Variants in USP40 observed in about 807,000 individuals in gnomAD.
USP40 encodes ubiquitin specific peptidase 40, also known as ubiquitin carboxyl-terminal hydrolase 40.
A neutral mutation model predicts 166.2 loss-of-function variants in USP40; 143 were observed. The ratio of observed to expected loss-of-function variants is 0.86; its 90% confidence interval spans 0.75 to 0.99. The LOEUF (loss-of-function observed/expected upper bound fraction) is 0.99, where lower values mean the gene tolerates loss of function less well. USP40 is among the 50% of genes least tolerant of loss of function. USP40 has a pLI of 0.00. For missense variants in USP40, 1,444 were observed against 1,479.7 expected, an observed-to-expected ratio of 0.98 and a Z score of 0.40; for synonymous variants, 498 against 524.0, an observed-to-expected ratio of 0.95 and a Z score of 0.68.
At chr2:233,558,895 T>C (rs1383193359) in intron 4 of USP40, among the ~76,000 whole-genome samples, 1 of 152,208 alleles carries the variant, frequency 6.6e-6, no homozygotes, top group Non-Finnish European at 1.5e-5. Flanking sequence ...CCATTTTGCT[T>C]GAAAGTCCAT....
Position 233,534,472 on chromosome 2 carries a change from G to T in USP40, c.1171-693C>A, listed in dbSNP as rs993903849. On this transcript the variant is annotated intron_variant, in intron 10 of 31. Transcript: ENST00000678225. ...CTCTCAGCCTAATTTACTTTATATA[G>T]AAAATTACTTGGGAGTTAAATTTGA... Among the ~76,000 whole-genome samples the T allele has an allele frequency of 4.6e-5, 7 of 152,134 alleles. 1 individual carries two copies. The highest frequency in any genetic ancestry group is 3.9e-4 in the Admixed American group (6 of 15,276).
In USP40 at chr2:233,488,295, T is replaced by A; in HGVS notation, c.3141A>T (p.Lys1047Asn). Residue 1047 changes from lysine to asparagine, a missense_variant, in exon 28 of 32, where the codon AAA (lysine) becomes AAT (asparagine). Transcript: ENST00000678225. ...RTDRQPLREYKLGRRIEICLE... is the reference protein window; with the variant it reads ...RTDRQPLREYNLGRRIEICLE... ...AGCAGATCTCAATTCTCCGTCCTAG[T>A]TTATATTCCCTGATAATAAGTGAAA... 1 of 1,598,922 alleles carries A rather than the reference T, an allele frequency of 6.3e-7. No homozygotes were observed. The highest frequency in any genetic ancestry group is 8.5e-7 in the Non-Finnish European group (1 of 1,171,808).
intron 3 of USP40, among the ~76,000 whole-genome samples, 191 bp from the exon 4 acceptor site, chr2:233,560,115 AAT>A (rs1360015710): frequency 6.6e-6 from 1 of 152,256 alleles, no homozygotes; most frequent in Non-Finnish European, 1.5e-5. Context: ...TCTAAAAAAT[AAT>A]AGTTATTTGG....
chr2:233,529,684 AAGTT>A (rs1180948898), intron 11 of USP40, among the ~76,000 whole-genome samples, 172 bp from the exon 12 acceptor site: 1 of 152,214 alleles, frequency 6.6e-6, no homozygotes, highest in African/African-American at 2.4e-5. Context: ...AAAAATGAAA[AAGTT>A]AGAACAAATG....
At chr2:233,557,045 T>C in intron 4 of USP40, 26 bp from the exon 5 acceptor site, 1 of 1,583,558 alleles carries the variant, frequency 6.3e-7, no homozygotes, top group Non-Finnish European at 8.6e-7. Context: ...CTTTTAGATG[T>C]AATTCCGGGC....
In USP40 at chr2:233,507,006, G is replaced by A. The variant is rs1437867999; in HGVS notation, c.2613+3043C>T. Among the ~76,000 whole-genome samples the A allele has an allele frequency of 3.9e-4, 60 of 151,912 alleles. 3 individuals carry two copies. The highest frequency in any genetic ancestry group is 3.9e-3 in the Admixed American group (60 of 15,238). ...AAAAAAGTACCTGATATAAAAATTG[G>A]CAAAAGACTTTAGTAAACATTTCTC... is the stretch of plus-strand genomic sequence containing the variant. On this transcript the variant is annotated intron_variant, in intron 21 of 31. Coordinates refer to ENST00000678225, the MANE Select transcript of USP40 (RefSeq NM_001365479.2).
intron 21 of USP40, among the ~76,000 whole-genome samples, chr2:233,507,118 T>C (rs1284219172): frequency 1.3e-5 from 2 of 151,890 alleles, no homozygotes; most frequent in African/African-American, 4.8e-5. Context: ...AAAACCACAA[T>C]GAAGTACCAT....
chr2:233,529,814 C>CTTTTTTTTTT (rs369071345), intron 11 of USP40, among the ~76,000 whole-genome samples: 2 of 133,950 alleles, frequency 1.5e-5, no homozygotes, highest in Admixed American at 8.0e-5. Flanking sequence ...TTTTCTTTTT[C>CTTTTTTTTTT]TTTTTTTTTT....
At position 233,525,480 on chromosome 2, in the gene USP40, C is replaced by T. The variant is rs1276561053; in HGVS notation, c.1808G>A (p.Gly603Asp). The change falls in exon 14 of 32, where the codon GGC becomes GAC. Residue 603 changes from glycine (G) to aspartate (D), a missense_variant and splice_region_variant. Physicochemically the swap from Gly to Asp is moderately conservative, Grantham distance 94. Transcript: ENST00000678225. ...CTATGTTTTCATATTTATCTTACCG[C>T]CAAGTGACTGGTAAATGTGAAGTCC... ...PAGLHIYQSLGGDELTLCETE... is the reference protein window; with the variant it reads ...PAGLHIYQSLDGDELTLCETE... 1 of 1,611,556 alleles carries T rather than the reference C, an allele frequency of 6.2e-7. No individual in the cohort carries two copies. The highest frequency in any genetic ancestry group is 8.5e-7 in the Non-Finnish European group (1 of 1,178,426).
Position 233,523,259 on chromosome 2 carries a change from G to A in USP40, c.2112C>T (p.Ile704=). 6.2e-7 allele frequency: 1 copy of A among 1,613,960 alleles called. No individual in the cohort carries two copies. Among genetic ancestry groups the A allele is most frequent in the South Asian group, 1.1e-5 (1 of 91,084 alleles). The part of the protein sequence containing the change: ...GCPGGEGWTA[I]PKEDMRKTFR... ...ACGTCTTCCTCATGTCTTCCTTGGGGATGGCCGTCCAACCCTCCCCACCTG... is the reference window on the plus strand; with the variant it reads ...ACGTCTTCCTCATGTCTTCCTTGGGAATGGCCGTCCAACCCTCCCCACCTG... The change falls in exon 16 of 32, where the codon ATC becomes ATT. Residue 704 remains isoleucine (I), a synonymous_variant. Coordinates refer to ENST00000678225, the MANE Select transcript of USP40 (RefSeq NM_001365479.2).
intron 13 of USP40, 40 bp downstream of exon 13, chr2:233,527,367 T>G (rs1267163354): frequency 6.3e-7 from 1 of 1,594,242 alleles, no homozygotes; most frequent in Non-Finnish European, 8.6e-7. Context: ...CTGGAGATGG[T>G]GCTCGATGTC....
rs1352536348 is a variant in USP40 at position 233,523,196 on chromosome 2, T to G, written c.2175A>C (p.Leu725Phe). Reference protein sequence around the residue: ...EQGLRNGSSILIQDSHDDNSL... With the variant: ...EQGLRNGSSIFIQDSHDDNSL... ...TGTTATCATCATGAGAATCCTGAAT[T>G]AAAATTGAGCTTCCATTTCTGAGCC... The change falls in exon 16 of 32, where the codon TTA becomes TTC. Residue 725 changes from leucine (L) to phenylalanine (F), a missense_variant. Coordinates refer to ENST00000678225, the MANE Select transcript of USP40 (RefSeq NM_001365479.2). 2 of 1,611,900 alleles carry G rather than the reference T, an allele frequency of 1.2e-6. No homozygotes were observed. Among genetic ancestry groups the G allele is most frequent in the Non-Finnish European group, 1.7e-6 (2 of 1,178,372 alleles).
At chr2:233,515,469 G>C (rs1419059119) in intron 18 of USP40, among the ~76,000 whole-genome samples, 3 of 152,084 alleles carry the variant, frequency 2.0e-5, no homozygotes, top group Non-Finnish European at 1.5e-5. Context: ...TAATGATTCT[G>C]AGCATTTTTT....
Position 233,511,747 on chromosome 2 carries a change from A to G in USP40, c.2488T>C (p.Leu830=), listed in dbSNP as rs1462139489. The G allele has an allele frequency of 3.7e-6, 6 of 1,612,532 alleles. No individual in the cohort carries two copies. Among genetic ancestry groups the G allele is most frequent in the Non-Finnish European group, 5.1e-6 (6 of 1,179,386 alleles). ...GGTGCTTTTCCAAGACACAGTCCCA[A>G]TGAACTTCCCATCTTCAATTCTGCT... is the stretch of plus-strand genomic sequence containing the variant. ...KEAELKMGSS[L]GLCLGKAPSS... The change falls in exon 20 of 32, where the codon TTG becomes CTG. Residue 830 remains leucine, a synonymous_variant. Coordinates refer to ENST00000678225, the MANE Select transcript of USP40 (RefSeq NM_001365479.2).
At chr2:233,553,219 A>G (rs192434170) in intron 6 of USP40, among the ~76,000 whole-genome samples, 1 of 152,348 alleles carries the variant, frequency 6.6e-6, no homozygotes, top group East Asian at 1.9e-4. Flanking sequence ...ATTAACTAGC[A>G]TTGGTAATGC....
chr2:233,523,304 G>A lies in USP40; in HGVS notation c.2067C>T (p.Phe689=), dbSNP rs777836452. The stretch of plus-strand genomic sequence containing the variant: ...CACCTGGACATCCAGCACTGTTGAT[G>A]AAGATGACACCTGCTGGGATTGCTA... ...TALAIPAGVI[F]INSAGCPGGE... The change falls in exon 16 of 32, where the codon TTC becomes TTT. Residue 689 remains phenylalanine (F), a synonymous_variant. Coordinates refer to ENST00000678225, the MANE Select transcript of USP40 (RefSeq NM_001365479.2). The A allele has an allele frequency of 5.6e-6, 9 of 1,614,040 alleles. No homozygotes were observed. Among genetic ancestry groups the A allele is most frequent in the Non-Finnish European group, 7.6e-6 (9 of 1,179,882 alleles).
rs993655403 is a variant in USP40 at position 233,509,067 on chromosome 2, T to G, written c.2613+982A>C. Among the ~76,000 whole-genome samples, 16 of 152,306 alleles carry G rather than the reference T, an allele frequency of 1.1e-4. No individual in the cohort carries two copies. The East Asian group carries it at 2.9e-3, about 27-fold the overall frequency. ...AACCAGCCATTATTCTAAGATGCCC[T>G]GGTTCCTGTTTGTAGAAAATGGTAT... On this transcript the variant is annotated intron_variant, in intron 21 of 31. Coordinates refer to ENST00000678225, the MANE Select transcript of USP40 (RefSeq NM_001365479.2).
chr2:233,489,226 C>T (rs1355579316), intron 27 of USP40, 139 bp downstream of exon 27: 1 of 775,178 alleles, frequency 1.3e-6, no homozygotes, highest in African/African-American at 1.7e-5. Flanking sequence ...AAAAGTGTCA[C>T]CCAAGTCACA....
intron 5 of USP40, among the ~76,000 whole-genome samples, chr2:233,555,693 T>C (rs1372101987): frequency 6.8e-6 from 1 of 148,128 alleles, no homozygotes; most frequent in Non-Finnish European, 1.5e-5. Flanking sequence ...TGGAGCACAG[T>C]GGCGCAATCT....
Sources: gnomAD v4.1 joint callset for allele counts (sites outside exome capture counted in the v4.1 genomes callset) on GRCh38, gnomAD v4.1.1 for gene constraint, MANE v1.5 for transcripts, NCBI Gene and HGNC (gene_info 2026-07-23, HGNC 2026-07-21) for gene names.